LRBA: variants seen among roughly 807,000 people sequenced by gnomAD.
LRBA encodes the protein LPS responsive beige-like anchor protein.
Under a neutral mutation model 330.0 loss-of-function variants are expected in LRBA, and 176 were observed. That is an observed-to-expected ratio of 0.53 (90% CI 0.47 to 0.60). The LOEUF (loss-of-function observed/expected upper bound fraction) is 0.60. LRBA is among the 20% of genes least tolerant of loss of function. The probability of loss-of-function intolerance (pLI) is 0.00; values close to 1 mark genes in which losing one functional copy is unlikely to be tolerated. For synonymous variants in LRBA, 1,230 were observed against 1,193.0 expected, an observed-to-expected ratio of 1.03 and a Z score of -0.64; for missense variants, 3,259 against 3,444.8, an observed-to-expected ratio of 0.95 and a Z score of 1.35.
chr4:150,662,475 C>A (rs1483613330), intron 37 of LRBA, among the ~76,000 whole-genome samples: 1 of 152,058 alleles, frequency 6.6e-6, no homozygotes, highest in Non-Finnish European at 1.5e-5. Context: ...CAATTAAATC[C>A]CTGGGGGTGC....
intron 46 of LRBA, chr4:150,423,138 A>G: frequency 1.0e-6 from 1 of 1,000,234 alleles, no homozygotes; most frequent in African/African-American, 1.6e-5. Flanking sequence ...TACCACCACC[A>G]AAGTACAGGA....
At chr4:151,007,420 G>C (rs1349882695) in intron 2 of LRBA, among the ~76,000 whole-genome samples, 1 of 151,678 alleles carries the variant, frequency 6.6e-6, no homozygotes, top group African/African-American at 2.4e-5. Context: ...CAGGAGAATA[G>C]TGTGAACCCG....
At chr4:150,971,315 C>T (rs1739558124) in intron 2 of LRBA, among the ~76,000 whole-genome samples, 1 of 152,086 alleles carries the variant, frequency 6.6e-6, no homozygotes, top group Non-Finnish European at 1.5e-5. Context: ...TGGCACACAA[C>T]AAAGATAAGG....
intron 48 of LRBA, 61 bp from the exon 49 acceptor site, chr4:150,325,959 C>G (rs1310282768): frequency 9.3e-6 from 8 of 861,026 alleles, no homozygotes; most frequent in Non-Finnish European, 1.6e-5. Flanking sequence ...AATAGAACCC[C>G]AACTGTCACC....
intron 2 of LRBA, among the ~76,000 whole-genome samples, chr4:150,934,978 A>G (rs998677477): frequency 8.0e-5 from 12 of 150,466 alleles, no homozygotes; most frequent in Middle Eastern, 3.4e-3. Context: ...ATTGCACTCT[A>G]GCCTGGGCAA....
intron 47 of LRBA, among the ~76,000 whole-genome samples, chr4:150,353,290 T>G (rs1482771005): frequency 6.6e-6 from 1 of 152,148 alleles, no homozygotes; most frequent in Non-Finnish European, 1.5e-5. Flanking sequence ...GTAGTTCATA[T>G]ACACACACTA....
chr4:150,334,297 A>C (rs1226098084), intron 48 of LRBA, among the ~76,000 whole-genome samples: 2 of 152,170 alleles, frequency 1.3e-5, no homozygotes, highest in Non-Finnish European at 2.9e-5. Flanking sequence ...ATAAATGTTC[A>C]AAATATACAG....
chr4:150,265,749 C>T lies in LRBA; in HGVS notation c.8532G>A (p.Trp2844Ter). ...IVLFYNDFNR[W>*]HHEYQTRY ...AGTAGCGGGTTTGGTATTCATGATG[C>T]CACCGGTTAAAGTCGTTGTAAAATA... Residue 2844 changes from tryptophan (W) to a stop codon, truncating the protein, a stop_gained, in exon 57 of 57, where the codon TGG (tryptophan) becomes TGA (stop). Coordinates refer to ENST00000651943, the MANE Select transcript of LRBA (RefSeq NM_001364905.1). LOFTEE classifies it high-confidence loss of function. 1 of 1,613,536 alleles carries T rather than the reference C, an allele frequency of 6.2e-7. No individual in the cohort carries two copies. Among genetic ancestry groups the T allele is most frequent in the Middle Eastern group, 1.7e-4 (1 of 6,060 alleles).
At chr4:150,942,861 T>C (rs948744452) in intron 2 of LRBA, among the ~76,000 whole-genome samples, 8 of 152,284 alleles carry the variant, frequency 5.3e-5, no homozygotes, top group African/African-American at 1.9e-4. Context: ...TAATCTATTA[T>C]TTAAGTTAGA....
intron 47 of LRBA, among the ~76,000 whole-genome samples, chr4:150,364,943 AAAATGTATATCAT>A (rs1179084486): frequency 3.3e-5 from 5 of 151,748 alleles, no homozygotes; most frequent in Admixed American, 6.6e-5. Context: ...AAATATCATA[AAAATGTATATCAT>A]AAATATATAT....
chr4:151,002,718 G>A (rs1743515262), intron 2 of LRBA, among the ~76,000 whole-genome samples: 1 of 151,798 alleles, frequency 6.6e-6, no homozygotes, highest in Admixed American at 6.6e-5. Flanking sequence ...ATCTGGTACT[G>A]AAGAATTAAA....
intron 37 of LRBA, among the ~76,000 whole-genome samples, chr4:150,633,407 C>T (rs1777571785): frequency 6.6e-6 from 1 of 151,994 alleles, no homozygotes; most frequent in African/African-American, 2.4e-5. Context: ...CTGTCTAATC[C>T]CCAAATCTTT....
chr4:150,318,542 G>A (rs1732033717), intron 50 of LRBA, among the ~76,000 whole-genome samples: 1 of 151,974 alleles, frequency 6.6e-6, no homozygotes, highest in Non-Finnish European at 1.5e-5. Flanking sequence ...ATAGTGACAG[G>A]TAAAGGTAGC....
chr4:150,807,955 C>G (rs1014273171), intron 32 of LRBA, among the ~76,000 whole-genome samples: 2 of 152,084 alleles, frequency 1.3e-5, no homozygotes, highest in Non-Finnish European at 2.9e-5. Context: ...TGGCCTATAT[C>G]AGTATTTTAT....
intron 2 of LRBA, among the ~76,000 whole-genome samples, chr4:151,001,991 CTG>C (rs1743401327): frequency 6.6e-6 from 1 of 151,942 alleles, no homozygotes; most frequent in Admixed American, 6.6e-5. Context: ...GCCACTGACA[CTG>C]TTTATACCTG....
intron 38 of LRBA, among the ~76,000 whole-genome samples, chr4:150,596,550 T>C (rs1393308131): frequency 2.0e-5 from 3 of 151,964 alleles, no homozygotes; most frequent in Admixed American, 2.0e-4. Flanking sequence ...TCCTCATTAA[T>C]ATATATTTTA....
chr4:150,346,762 A>C (rs1405187605), intron 48 of LRBA, among the ~76,000 whole-genome samples: 2 of 35,886 alleles, frequency 5.6e-5, no homozygotes, highest in Non-Finnish European at 1.2e-4. Flanking sequence ...TGTCTCAAAA[A>C]AAAAAAAAAA....
intron 37 of LRBA, among the ~76,000 whole-genome samples, chr4:150,650,584 T>A (rs1267572057): frequency 6.6e-6 from 1 of 152,122 alleles, no homozygotes; most frequent in Non-Finnish European, 1.5e-5. Flanking sequence ...AGCAAAAGGA[T>A]ACAACAAAAT....
chr4:150,984,941 C>A (rs937009374), intron 2 of LRBA, among the ~76,000 whole-genome samples: 3 of 152,160 alleles, frequency 2.0e-5, no homozygotes, highest in Non-Finnish European at 4.4e-5. Context: ...CTATCTAACT[C>A]TTAAGAAAGT....
Sources: gnomAD v4.1 joint callset for allele counts (sites outside exome capture counted in the v4.1 genomes callset) on GRCh38, gnomAD v4.1.1 for gene constraint, MANE v1.5 for transcripts, NCBI Gene and HGNC (gene_info 2026-07-23, HGNC 2026-07-21) for gene names.